Variants in DNAJB14 observed in about 807,000 individuals in gnomAD.
DNAJB14 encodes dnaJ homolog subfamily B member 14.
Under a neutral mutation model 48.4 loss-of-function variants are expected in DNAJB14, and 22 were observed. The observed-to-expected ratio is 0.45, with a 90% CI of 0.32 to 0.65. The LOEUF (loss-of-function observed/expected upper bound fraction) is 0.65. Ranked by LOEUF, DNAJB14 falls within the 30% of genes least tolerant of loss-of-function variation. The pLI, the probability that DNAJB14 is intolerant of heterozygous loss-of-function variation, is 0.03. For synonymous variants in DNAJB14, 142 were observed against 158.7 expected, an observed-to-expected ratio of 0.89 and a Z score of 0.79; for missense variants, 319 against 458.8, an observed-to-expected ratio of 0.70 and a Z score of 2.78.
At chr4:99,903,637 C>T in intron 7 of DNAJB14, 89 bp downstream of exon 7, 1 of 1,379,086 alleles carries the variant, frequency 7.3e-7, no homozygotes, top group East Asian at 2.3e-5. Context: ...CAGGGAATTC[C>T]AGAACATTCC....
intron 2 of DNAJB14, chr4:99,924,776 G>T: frequency 3.1e-6 from 5 of 1,610,434 alleles, no homozygotes; most frequent in East Asian, 2.2e-5. Context: ...TTAGGTACAG[G>T]TCCACCATCC....
intron 3 of DNAJB14, among the ~76,000 whole-genome samples, chr4:99,918,760 G>C (rs1333927724): frequency 6.6e-6 from 1 of 152,188 alleles, no homozygotes; most frequent in Non-Finnish European, 1.5e-5. Context: ...TAACTTCCCT[G>C]ATACCATAAG....
chr4:99,928,380 C>T (rs1245503553), intron 2 of DNAJB14: 2 of 172,456 alleles, frequency 1.2e-5, no homozygotes, highest in Non-Finnish European at 2.6e-5. Context: ...TGTCTCTGGC[C>T]ACATACAGAG....
chr4:99,946,605 C>T lies in DNAJB14; in HGVS notation c.-34G>A, dbSNP rs2110231023. On this transcript the variant is annotated 5_prime_UTR_variant, in exon 1 of 8. Transcript: ENST00000442697. Reference sequence around the variant, plus strand: ...CCTTCTTCCGTTTCCTCCGGCAGCGCAGCTAAGAAGGGCGGAAGCCGCCGC... The same window carrying T: ...CCTTCTTCCGTTTCCTCCGGCAGCGTAGCTAAGAAGGGCGGAAGCCGCCGC... The T allele has an allele frequency of 6.2e-7, 1 of 1,610,508 alleles. No homozygotes were observed. Among genetic ancestry groups the T allele is most frequent in the Non-Finnish European group, 8.5e-7 (1 of 1,177,748 alleles).
chr4:99,931,220 G>A (rs1164857980), intron 1 of DNAJB14, among the ~76,000 whole-genome samples: 4 of 152,120 alleles, frequency 2.6e-5, no homozygotes, highest in African/African-American at 9.7e-5. Context: ...AAAAAGGAAT[G>A]GTAAGCAAAT....
At chr4:99,902,956 C>T (rs1304206561) in intron 7 of DNAJB14, among the ~76,000 whole-genome samples, 2 of 152,092 alleles carry the variant, frequency 1.3e-5, no homozygotes, top group African/African-American at 2.4e-5. Flanking sequence ...ATTATTTCCT[C>T]CTCCCACTCA....
rs1042916970 is a variant in DNAJB14 at position 99,897,409 on chromosome 4, T to C, written c.*3619A>G. The C allele has an allele frequency of 1.3e-5, 2 of 151,802 alleles. No individual in the cohort carries two copies. Among genetic ancestry groups the C allele is most frequent in the Non-Finnish European group, 2.9e-5 (2 of 67,830 alleles). 9.4% of individuals were successfully genotyped at this position (151,802 alleles called of 1,614,324 possible). A position where few individuals can be genotyped will look rare whatever the true frequency, so the allele number is the denominator to read the frequency against. On this transcript the variant is annotated 3_prime_UTR_variant, in exon 8 of 8. Coordinates refer to ENST00000442697, the MANE Select transcript of DNAJB14 (RefSeq NM_001031723.4). ...TTTGAATTAATGTTTTGAGGAAAAG[T>C]GTTTCCATTTATATGAAAGTATCTA...
intron 2 of DNAJB14, chr4:99,928,074 G>T (rs1256977799): frequency 6.6e-6 from 1 of 152,096 alleles, no homozygotes; most frequent in East Asian, 1.9e-4. Context: ...AATTAAAAAG[G>T]TATAATGAGA....
intron 1 of DNAJB14, among the ~76,000 whole-genome samples, chr4:99,945,718 A>T (rs1440390727): frequency 6.6e-6 from 1 of 152,248 alleles, no homozygotes; most frequent in Non-Finnish European, 1.5e-5. Context: ...GTGCTCAATA[A>T]ATGTTGGCTA....
intron 1 of DNAJB14, 93 bp from the exon 2 acceptor site, chr4:99,930,714 T>C (rs553413683): frequency 7.4e-7 from 1 of 1,354,508 alleles, no homozygotes. Flanking sequence ...AATTATGAAG[T>C]GTGTTCTCCA....
intron 1 of DNAJB14, among the ~76,000 whole-genome samples, chr4:99,938,783 A>C (rs1354118827): frequency 6.6e-6 from 1 of 152,174 alleles, no homozygotes; most frequent in Admixed American, 6.5e-5. Flanking sequence ...AATTTTCCAA[A>C]ACTAAATGTA....
chr4:99,923,008 T>G (rs752757504), intron 3 of DNAJB14, 32 bp downstream of exon 3: 4 of 1,574,118 alleles, frequency 2.5e-6, no homozygotes, highest in Non-Finnish European at 3.4e-6. Flanking sequence ...TAAAGACAGC[T>G]TAGTAAAATT....
rs771164416 is a variant in DNAJB14, at chr4:99,946,508, C to G, written c.64G>C (p.Gly22Arg). The G allele has an allele frequency of 8.7e-6, 14 of 1,613,834 alleles. 1 individual carries two copies. The South Asian group carries it at 1.5e-4, about 18-fold the overall frequency. The change falls in exon 1 of 8, where the codon GGC becomes CGC. Residue 22 changes from glycine to arginine, a missense_variant. This residue lies in a region of DNAJB14 where 116 missense variants were observed against 134.6 expected (regional missense o/e 0.86). Transcript: ENST00000442697. ...AAGCGCTGGGCCTTCTCGCGGTTGCCGGCGTTCAGGGCCTCCCGGGCGATC... is the reference window on the plus strand; with the variant it reads ...AAGCGCTGGGCCTTCTCGCGGTTGCGGGCGTTCAGGGCCTCCCGGGCGATC... ...VEIAREALNA[G>R]NREKAQRFLQ...
At chr4:99,944,681 C>G (rs548614508) in intron 1 of DNAJB14, among the ~76,000 whole-genome samples, 1 of 151,780 alleles carries the variant, frequency 6.6e-6, no homozygotes, top group African/African-American at 2.4e-5. Flanking sequence ...TCAAGCGATT[C>G]TCCTGCCTCA....
intron 3 of DNAJB14, among the ~76,000 whole-genome samples, chr4:99,921,028 T>C (rs1264942600): frequency 2.0e-5 from 3 of 152,234 alleles, no homozygotes; most frequent in Non-Finnish European, 2.9e-5. Flanking sequence ...TCCTGTGTGC[T>C]AAATGAATGA....
chr4:99,918,702 G>A (rs968999621), intron 3 of DNAJB14, among the ~76,000 whole-genome samples: 13 of 152,110 alleles, frequency 8.5e-5, no homozygotes, highest in African/African-American at 2.2e-4. Context: ...CTCCACTTAC[G>A]TCTCCCTGGC....
chr4:99,945,522 ACTAATTG>A (rs1284561486), intron 1 of DNAJB14, among the ~76,000 whole-genome samples: 1 of 152,214 alleles, frequency 6.6e-6, no homozygotes, highest in Non-Finnish European at 1.5e-5. Flanking sequence ...TGACTTTGCT[ACTAATTG>A]TTGTGTGACC....
At chr4:99,917,408 G>A (rs1049874439) in intron 3 of DNAJB14, among the ~76,000 whole-genome samples, 2 of 152,216 alleles carry the variant, frequency 1.3e-5, no homozygotes, top group East Asian at 1.9e-4. Context: ...CAGACTCAGT[G>A]TCTGGTGAGG....
intron 2 of DNAJB14, chr4:99,928,022 T>C (rs749620591): frequency 3.9e-5 from 6 of 152,112 alleles, no homozygotes; most frequent in Non-Finnish European, 8.8e-5. Context: ...TAGAGACTGT[T>C]CCAATCATAT....
Sources: gnomAD v4.1 joint callset for allele counts (sites outside exome capture counted in the v4.1 genomes callset) on GRCh38, gnomAD v4.1.1 for gene constraint, gnomAD v4.1.1 regional missense constraint, MANE v1.5 for transcripts, NCBI Gene and HGNC (gene_info 2026-07-23, HGNC 2026-07-21) for gene names.